The following ZDHHC24 variants were observed in gnomAD, a reference collection of about 807,000 sequenced individuals.
ZDHHC24 encodes zDHHC palmitoyltransferase 24.
Under a neutral mutation model 23.2 loss-of-function variants are expected in ZDHHC24, and 17 were observed. The observed-to-expected ratio is 0.73, with a 90% CI of 0.50 to 1.10. The LOEUF is 1.10. ZDHHC24 is among the 50% of genes least tolerant of loss of function. The pLI is 0.00. For missense variants in ZDHHC24, 366 were observed against 393.0 expected, an observed-to-expected ratio of 0.93 and a Z score of 0.58; for synonymous variants, 186 against 194.5, an observed-to-expected ratio of 0.96 and a Z score of 0.36.
At position 66,543,775 on chromosome 11, in the gene ZDHHC24, G is replaced by T; in HGVS notation, c.488C>A (p.Ala163Asp). Residue 163 changes from alanine (A) to aspartate (D), a missense_variant, in exon 2 of 3, where the codon GCC becomes GAC. Transcript: ENST00000310442. ...VSVLLGPALS[A>D]LLRAHTPLHM... The stretch of plus-strand genomic sequence containing the variant: ...GAGGGGCGTGTGGGCTCGCAGCAGG[G>T]CCGACAGTGCAGGGCCCAGCAGCAC... 1 of 1,610,598 alleles carries T rather than the reference G, an allele frequency of 6.2e-7. No homozygotes were observed. The highest frequency in any genetic ancestry group is 8.5e-7 in the Non-Finnish European group (1 of 1,178,452).
In ZDHHC24 at chr11:66,539,784, C is replaced by T. The variant is rs138403477; in HGVS notation, c.600G>A (p.Thr200=). The change falls in exon 3 of 3, where the codon ACG becomes ACA. Residue 200 remains threonine, a synonymous_variant. Transcript: ENST00000310442. ...SLAQFALAFV[T]DTCVAGALLC... is the part of the protein sequence containing the mutation. ...GCAGCGCACCCGCCACGCACGTGTC[C>T]GTCACGAAGGCCAAGGCAAACTGTG... 145 of 1,611,606 alleles carry T rather than the reference C, an allele frequency of 9.0e-5. No homozygotes were observed. In the East Asian group the frequency reaches 1.2e-3, roughly 13 times the overall value.
chr11:66,521,904 CAA>C lies in ZDHHC24; in HGVS notation c.*22-440_*22-439del, dbSNP rs1183524219. On this transcript the variant is annotated intron_variant, in intron 4 of 4. Transcript: ENST00000526986. ...TGGGTAACGGAGCGAGACTCCGTCT[CAA>C]AAAAAAAAAAAAAAAAAAAAAGCAG... 9.0e-4 allele frequency among the ~76,000 whole-genome samples: 33 copies of C among 36,484 alleles called. No homozygotes were observed. The South Asian group carries it at 9.0e-3, about 10-fold the overall frequency. The allele number at this position is 36,484 out of a possible 152,430, so 23.9% of individuals were successfully genotyped here.
chr11:66,521,734 C>T (rs1315326237), intron 4 of ZDHHC24: 18 of 321,814 alleles, frequency 5.6e-5, no homozygotes, highest in Admixed American at 5.5e-4. Flanking sequence ...GGTGAAACCC[C>T]GTCTCTACTA....
At chr11:66,544,178 C>T (rs1857241934) in intron 1 of ZDHHC24, among the ~76,000 whole-genome samples, 197 bp from the exon 2 acceptor site, 1 of 152,208 alleles carries the variant, frequency 6.6e-6, no homozygotes, top group Non-Finnish European at 1.5e-5. Context: ...GGTCTGAGGT[C>T]TCTTCCAGCC....
At chr11:66,525,979 T>C (rs1042321127) in intron 4 of ZDHHC24, 19 of 721,292 alleles carry the variant, frequency 2.6e-5, no homozygotes, top group South Asian at 4.6e-5. Flanking sequence ...ATGAGAAATA[T>C]AGGAAATATT....
chr11:66,523,991 T>C (rs1197959786), intron 4 of ZDHHC24: 10 of 1,501,060 alleles, frequency 6.7e-6, no homozygotes, highest in Non-Finnish European at 9.1e-6. Flanking sequence ...TCAAAAACAT[T>C]TGTTGAGGCC....
intron 2 of ZDHHC24, among the ~76,000 whole-genome samples, chr11:66,530,169 G>T (rs1856710672): frequency 6.6e-6 from 1 of 152,036 alleles, no homozygotes; most frequent in Non-Finnish European, 1.5e-5. Flanking sequence ...TCTCCCCTCG[G>T]CTGGCCATGC....
intron 4 of ZDHHC24, chr11:66,523,616 T>C (rs768239720): frequency 6.2e-7 from 1 of 1,613,496 alleles, no homozygotes; most frequent in Non-Finnish European, 8.5e-7. Context: ...CACGCCTATG[T>C]CCCTAGCCCC....
At position 66,536,492 on chromosome 11, in the gene ZDHHC24, C is replaced by T. The variant is rs1856969557; in HGVS notation, c.*3037G>A. ...AATCGCTTGAACCCAGGAAGTGAGCCAAGATCGCGCCATTGCACTCCAGCT... is the reference window on the plus strand; with the variant it reads ...AATCGCTTGAACCCAGGAAGTGAGCTAAGATCGCGCCATTGCACTCCAGCT... On this transcript the variant is annotated 3_prime_UTR_variant, in exon 3 of 3. Transcript: ENST00000310442. 6.5e-6 allele frequency: 1 copy of T among 153,984 alleles called. No individual in the cohort carries two copies. 9.5% of individuals were successfully genotyped at this position (153,984 alleles called of 1,614,324 possible). A position where few individuals can be genotyped will look rare whatever the true frequency, so the allele number is the denominator to read the frequency against.
At chr11:66,521,178 T>C (rs1011453591) in exon 5 of ZDHHC24, 1 of 957,058 alleles carries the variant, frequency 1.0e-6, no homozygotes, top group Non-Finnish European at 1.7e-6. Flanking sequence ...ATTGGGACTT[T>C]AGACCAGGCA....
chr11:66,540,235 C>T (rs753058227), intron 2 of ZDHHC24, among the ~76,000 whole-genome samples: 10 of 151,880 alleles, frequency 6.6e-5, no homozygotes, highest in Non-Finnish European at 1.5e-4. Context: ...CTTGACAACA[C>T]GGTAAAACCC....
downstream of ZDHHC24, among the ~76,000 whole-genome samples, chr11:66,534,841 G>A (rs1012818381): frequency 3.3e-5 from 5 of 149,324 alleles, no homozygotes; most frequent in Non-Finnish European, 6.0e-5. Flanking sequence ...GACTACAGGC[G>A]CCTGCCACCA....
In ZDHHC24 at chr11:66,539,148, A is replaced by T; in HGVS notation, c.*381T>A. 1.2e-6 allele frequency: 1 copy of T among 846,854 alleles called. No individual in the cohort carries two copies. Among genetic ancestry groups the T allele is most frequent in the Non-Finnish European group, 1.4e-6 (1 of 698,110 alleles). The allele number at this position is 846,854 out of a possible 1,614,324, so 52.5% of individuals were successfully genotyped here. ...CCCAGGCCAGGGGAGGTAGAGCCCCAGCCCCTGAGACCCTCAGGCATCCTG... is the reference window on the plus strand; with the variant it reads ...CCCAGGCCAGGGGAGGTAGAGCCCCTGCCCCTGAGACCCTCAGGCATCCTG... On this transcript the variant is annotated 3_prime_UTR_variant, in exon 3 of 3. Transcript: ENST00000310442.
chr11:66,526,672 C>G (rs1369210181), intron 4 of ZDHHC24: 1 of 1,614,208 alleles, frequency 6.2e-7, no homozygotes, highest in Non-Finnish European at 8.5e-7. Flanking sequence ...CATCAAGATC[C>G]TGAAGCGTAC....
exon 5 of ZDHHC24, chr11:66,521,154 G>A (rs1856197413): frequency 2.5e-6 from 2 of 795,960 alleles, no homozygotes; most frequent in Non-Finnish European, 4.4e-6. Flanking sequence ...TTTAAACTGG[G>A]TGTAAGTGAG....
chr11:66,523,652 T>C, intron 4 of ZDHHC24: 1 of 1,611,312 alleles, frequency 6.2e-7, no homozygotes. Flanking sequence ...TCCTCTGGCT[T>C]CCCCACCCCA....
At chr11:66,520,775 C>T, downstream of ZDHHC24, 1 of 204,844 alleles carries the variant, frequency 4.9e-6, no homozygotes, top group Non-Finnish European at 1.0e-5. Flanking sequence ...GTTCTCTTGC[C>T]CAGGCTGAAG....
At chr11:66,529,747 G>T in intron 2 of ZDHHC24, 1 of 1,580,976 alleles carries the variant, frequency 6.3e-7, no homozygotes, top group Non-Finnish European at 8.6e-7. Flanking sequence ...ACCTGAGCAG[G>T]AGTGCCCCGT....
chr11:66,544,248 C>T (rs1330224871), intron 1 of ZDHHC24, among the ~76,000 whole-genome samples: 3 of 152,144 alleles, frequency 2.0e-5, no homozygotes, highest in Non-Finnish European at 4.4e-5. Flanking sequence ...CAAATCCCTC[C>T]CTTCCTCCAC....
Sources: gnomAD v4.1 joint callset for allele counts (sites outside exome capture counted in the v4.1 genomes callset) on GRCh38, gnomAD v4.1.1 for gene constraint, MANE v1.5 for transcripts, NCBI Gene and HGNC (gene_info 2026-07-23, HGNC 2026-07-21) for gene names.